Variants in CPM observed in about 807,000 individuals in gnomAD.
CPM encodes carboxypeptidase M.
A neutral mutation model predicts 46.4 loss-of-function variants in CPM; 35 were observed. That is an observed-to-expected ratio of 0.75 (90% CI 0.58 to 1.00). CPM has a LOEUF of 1.00. Ranked by LOEUF, CPM falls within the 50% of genes least tolerant of loss-of-function variation. The pLI is 0.00. For synonymous variants in CPM, 195 were observed against 195.3 expected, an observed-to-expected ratio of 1.00 and a Z score of 0.01; for missense variants, 422 against 530.4, an observed-to-expected ratio of 0.80 and a Z score of 2.01.
At chr12:68,901,469 A>C (rs1219493653) in intron 2 of CPM, among the ~76,000 whole-genome samples, 3 of 152,246 alleles carry the variant, frequency 2.0e-5, no homozygotes, top group Non-Finnish European at 4.4e-5. Flanking sequence ...GGGTTAAGAA[A>C]TTAGTATGTA....
chr12:68,887,912 T>C (rs1186304084), intron 2 of CPM, among the ~76,000 whole-genome samples: 1 of 152,238 alleles, frequency 6.6e-6, no homozygotes, highest in Admixed American at 6.5e-5. Flanking sequence ...ACAAGTACAC[T>C]ACATGTGGTG....
chr12:68,866,579 G>A (rs1348000602), intron 7 of CPM, among the ~76,000 whole-genome samples: 3 of 152,100 alleles, frequency 2.0e-5, no homozygotes, highest in African/African-American at 4.8e-5. Flanking sequence ...CCTGACCTCA[G>A]GTGATACACC....
intron 2 of CPM, among the ~76,000 whole-genome samples, chr12:68,931,373 A>C (rs140695398): frequency 9.5e-4 from 145 of 152,322 alleles, no homozygotes; most frequent in African/African-American, 3.3e-3. Flanking sequence ...CATAAAATTT[A>C]TGAAACTTTT....
chr12:68,850,963 A>G (rs2701099), downstream of CPM, among the ~76,000 whole-genome samples: 2,760 of 152,152 alleles, frequency 0.018, 35 homozygotes, highest in African/African-American at 0.028. Context: ...GGAATGTATT[A>G]TATATAATAT....
intron 2 of CPM, among the ~76,000 whole-genome samples, chr12:68,890,669 T>G (rs898847318): frequency 1.3e-5 from 2 of 152,278 alleles, no homozygotes; most frequent in Non-Finnish European, 2.9e-5. Flanking sequence ...AGCATGCTGC[T>G]ACGGTTTGCT....
At chr12:68,915,629 A>C (rs1887773357) in intron 2 of CPM, among the ~76,000 whole-genome samples, 1 of 152,230 alleles carries the variant, frequency 6.6e-6, no homozygotes, top group Non-Finnish European at 1.5e-5. Context: ...GCCCCATTAC[A>C]ATGCTTTTCC....
At chr12:68,846,814 T>C (rs758207457), downstream of CPM, 23 of 152,062 alleles carry the variant, frequency 1.5e-4, no homozygotes, top group Admixed American at 1.5e-3. Context: ...TGGTACTTAC[T>C]CGCCTAGTGA....
chr12:68,897,928 C>T (rs530617221), intron 2 of CPM, among the ~76,000 whole-genome samples: 2 of 152,110 alleles, frequency 1.3e-5, no homozygotes, highest in East Asian at 3.9e-4. Context: ...CTCACTATAG[C>T]CTTGACCTCC....
chr12:68,962,178 C>T (rs867406995), intron 1 of CPM, among the ~76,000 whole-genome samples: 39 of 138,812 alleles, frequency 2.8e-4, no homozygotes, highest in Admixed American at 8.8e-4. Flanking sequence ...CCAGCCTGGG[C>T]GACAGAGCGA....
chr12:68,861,617 C>T (rs1885218583), intron 7 of CPM, among the ~76,000 whole-genome samples: 1 of 151,630 alleles, frequency 6.6e-6, no homozygotes, highest in Non-Finnish European at 1.5e-5. Flanking sequence ...GCAACCTCTG[C>T]CTCCCGGGTT....
chr12:68,946,597 A>C (rs557968811), intron 1 of CPM, among the ~76,000 whole-genome samples: 1 of 152,232 alleles, frequency 6.6e-6, no homozygotes, highest in Admixed American at 6.5e-5. Context: ...CAGTTTTTCC[A>C]AGGAATTTTT....
intron 5 of CPM, chr12:68,842,504 T>A (rs908709954): frequency 2.6e-6 from 1 of 384,384 alleles, no homozygotes; most frequent in Non-Finnish European, 5.1e-6. Flanking sequence ...GAAAGGTGAT[T>A]ACAAAATCAT....
At chr12:68,932,593 A>G in intron 2 of CPM, 85 bp downstream of exon 2, 1 of 1,500,226 alleles carries the variant, frequency 6.7e-7, no homozygotes. Context: ...TGCGTGGAAG[A>G]GCAGACAGGA....
chr12:68,885,092 C>T (rs533036793), intron 3 of CPM, among the ~76,000 whole-genome samples: 14 of 152,218 alleles, frequency 9.2e-5, no homozygotes, highest in Non-Finnish European at 1.3e-4. Flanking sequence ...TACAGGTATG[C>T]GCCACCACAC....
At chr12:68,908,487 C>T (rs1169293387) in intron 2 of CPM, among the ~76,000 whole-genome samples, 1 of 151,692 alleles carries the variant, frequency 6.6e-6, no homozygotes, top group Admixed American at 6.6e-5. Flanking sequence ...TGGACATCCA[C>T]TTTCTGAGTG....
intron 1 of CPM, among the ~76,000 whole-genome samples, chr12:68,958,177 C>T (rs75646917): frequency 6.6e-6 from 1 of 152,138 alleles, no homozygotes; most frequent in African/African-American, 2.4e-5. Context: ...TTTATAGTAG[C>T]ATGATTTATA....
intron 5 of CPM, chr12:68,845,637 A>T: frequency 5.7e-6 from 1 of 176,580 alleles, no homozygotes; most frequent in Non-Finnish European, 1.2e-5. Context: ...TTCGATAGGC[A>T]TTTTCATGTT....
chr12:68,878,722 A>G (rs1469018213), intron 3 of CPM, among the ~76,000 whole-genome samples: 1 of 152,192 alleles, frequency 6.6e-6, no homozygotes, highest in Non-Finnish European at 1.5e-5. Flanking sequence ...CTCTTTCTCT[A>G]TCGCAATTCC....
In CPM at chr12:68,876,886, G is replaced by T. The variant is rs1795478; in HGVS notation, c.259-4930C>A. Among the ~76,000 whole-genome samples, 5 of 135,872 alleles carry T rather than the reference G, an allele frequency of 3.7e-5. No homozygotes were observed. In the Admixed American group the frequency reaches 3.9e-4, roughly 11 times the overall value. The allele number at this position is 135,872 out of a possible 152,430, so 89.1% of individuals were successfully genotyped here. On this transcript the variant is annotated intron_variant, in intron 3 of 8. Coordinates refer to ENST00000551568, the MANE Select transcript of CPM (RefSeq NM_198320.5). ...TTGTGTGGTGTGTGTGTGTGTGCAC[G>T]CGCATGCGTGTGTGTGTGTGTGTGT...
Sources: gnomAD v4.1 joint callset for allele counts (sites outside exome capture counted in the v4.1 genomes callset) on GRCh38, gnomAD v4.1.1 for gene constraint, MANE v1.5 for transcripts, NCBI Gene and HGNC (gene_info 2026-07-23, HGNC 2026-07-21) for gene names.